Variants in GPM6A observed in about 807,000 individuals in gnomAD.
GPM6A encodes the protein neuronal membrane glycoprotein M6-a.
A neutral mutation model predicts 32.1 loss-of-function variants in GPM6A; 7 were observed. The ratio of observed to expected loss-of-function variants is 0.22; its 90% CI spans 0.12 to 0.41. The LOEUF (loss-of-function observed/expected upper bound fraction) is 0.41. Among genes scored for constraint, GPM6A ranks in the 10% least tolerant of loss-of-function variants. GPM6A has a pLI of 1.00. For synonymous variants in GPM6A, 130 were observed against 123.4 expected (o/e 1.05, Z -0.35); for missense variants, 235 against 347.2 (o/e 0.68, Z 2.57).
intron 1 of GPM6A, among the ~76,000 whole-genome samples, chr4:175,913,638 C>T (rs1408087552): frequency 6.6e-6 from 1 of 152,208 alleles, no homozygotes; most frequent in Non-Finnish European, 1.5e-5. Context: ...CTAGAACAGA[C>T]CAGGCCTGTT....
chr4:175,977,101 A>G (rs1464743375), intron 1 of GPM6A, among the ~76,000 whole-genome samples: 1 of 152,234 alleles, frequency 6.6e-6, no homozygotes, highest in Non-Finnish European at 1.5e-5. Flanking sequence ...TAATAGGCAA[A>G]TCAAAGAAAT....
At chr4:175,645,714 C>T (rs1384313372) in intron 4 of GPM6A, among the ~76,000 whole-genome samples, 1 of 152,038 alleles carries the variant, frequency 6.6e-6, no homozygotes, top group Non-Finnish European at 1.5e-5. Flanking sequence ...GAGCAAGACT[C>T]CGTCTCAAAA....
At chr4:175,683,933 G>A (rs1049012225) in intron 2 of GPM6A, among the ~76,000 whole-genome samples, 2 of 151,760 alleles carry the variant, frequency 1.3e-5, no homozygotes, top group African/African-American at 2.4e-5. Flanking sequence ...CTGGGTTCAA[G>A]CAATTCTCCT....
At chr4:175,805,711 T>C (rs1315858262) in intron 1 of GPM6A, among the ~76,000 whole-genome samples, 1 of 152,192 alleles carries the variant, frequency 6.6e-6, no homozygotes, top group East Asian at 1.9e-4. Context: ...CATGTTGACA[T>C]CTCTTAATAC....
At chr4:175,944,892 G>A (rs776132634) in intron 1 of GPM6A, among the ~76,000 whole-genome samples, 3 of 151,714 alleles carry the variant, frequency 2.0e-5, no homozygotes, top group South Asian at 2.1e-4. Context: ...AAATACAGAC[G>A]TCTCAGTTTC....
At chr4:175,808,418 CAAAG>C (rs991555763) in intron 1 of GPM6A, among the ~76,000 whole-genome samples, 4 of 152,006 alleles carry the variant, frequency 2.6e-5, no homozygotes, top group African/African-American at 9.7e-5. Flanking sequence ...ATATGAAAAA[CAAAG>C]AAAATAAACC....
intron 1 of GPM6A, chr4:175,807,500 T>C (rs1423022376): frequency 6.6e-6 from 1 of 152,194 alleles, no homozygotes; most frequent in Non-Finnish European, 1.5e-5. Flanking sequence ...ATAGTTATTA[T>C]TAAAATTTGC....
At chr4:175,710,778 A>G (rs976052426) in intron 1 of GPM6A, among the ~76,000 whole-genome samples, 4 of 152,286 alleles carry the variant, frequency 2.6e-5, no homozygotes, top group African/African-American at 9.6e-5. Context: ...AACTTTTGTT[A>G]CTATTATTGT....
Position 175,856,116 on chromosome 4 carries a change from T to A in GPM6A, c.-22-43867A>T, listed in dbSNP as rs117247927. ...GGAAAGATATATTGATAAATTAATG[T>A]TTATGTGGTTTTCCTGGGTAAAAGG... is the stretch of plus-strand genomic sequence containing the variant. On this transcript the variant is annotated intron_variant, in intron 1 of 7. Coordinates refer to the GPM6A transcript ENST00000280187. Among the ~76,000 whole-genome samples the A allele has an allele frequency of 7.2e-5, 11 of 152,342 alleles. No homozygotes were observed. In the East Asian group the frequency reaches 2.1e-3, roughly 29 times the overall value.
At chr4:175,732,667 T>G (rs1324554778) in intron 1 of GPM6A, among the ~76,000 whole-genome samples, 2 of 152,110 alleles carry the variant, frequency 1.3e-5, no homozygotes, top group African/African-American at 4.8e-5. Flanking sequence ...TATAACTAAC[T>G]CAAATACTTA....
At chr4:175,959,280 T>C (rs1740090050) in intron 1 of GPM6A, among the ~76,000 whole-genome samples, 1 of 152,194 alleles carries the variant, frequency 6.6e-6, no homozygotes, top group Admixed American at 6.5e-5. Flanking sequence ...ATCTTCATTC[T>C]GCACAGCTTA....
At chr4:175,890,778 AC>A (rs1241028258) in intron 1 of GPM6A, among the ~76,000 whole-genome samples, 1 of 151,882 alleles carries the variant, frequency 6.6e-6, no homozygotes, top group African/African-American at 2.4e-5. Flanking sequence ...CTGGTCTCAA[AC>A]CCCTGACCTC....
chr4:175,654,214 A>G (rs1248965161), intron 3 of GPM6A: 1 of 152,230 alleles, frequency 6.6e-6, no homozygotes, highest in African/African-American at 2.4e-5. Flanking sequence ...TCACTGGCAT[A>G]CCACTTACTG....
chr4:175,849,422 G>C (rs1736184960), intron 1 of GPM6A, among the ~76,000 whole-genome samples: 1 of 152,180 alleles, frequency 6.6e-6, no homozygotes. Flanking sequence ...CCAACGTAGA[G>C]GTTGACCCAG....
rs544889132 is a variant in GPM6A, at chr4:175,671,477, G to GA, written c.387+2202dup. Among the ~76,000 whole-genome samples the GA allele has an allele frequency of 9.3e-3, 226 of 24,406 alleles. 61 individuals carry two copies. Among genetic ancestry groups the GA allele is most frequent in the Middle Eastern group, 0.029 (1 of 34 alleles). The allele number at this position is 24,406 out of a possible 152,430, so 16.0% of individuals were successfully genotyped here. A position where few individuals can be genotyped will look rare whatever the true frequency, so the allele number is the denominator to read the frequency against. On this transcript the variant is annotated intron_variant, in intron 3 of 6. Coordinates refer to ENST00000393658, the MANE Select transcript of GPM6A (RefSeq NM_201591.3). Reference sequence around the variant, plus strand: ...CGTAAGATACAATCTGCCTACAAACGAAAAAAAAAAAAAAAAAAAAAAAAA... The same window carrying GA: ...CGTAAGATACAATCTGCCTACAAACGAAAAAAAAAAAAAAAAAAAAAAAAAA...
At chr4:175,841,189 A>G (rs551256601) in intron 1 of GPM6A, among the ~76,000 whole-genome samples, 26 of 152,328 alleles carry the variant, frequency 1.7e-4, no homozygotes, top group Non-Finnish European at 2.8e-4. Context: ...AGTAAGTTAC[A>G]TGATTCTGTT....
chr4:175,732,512 T>C (rs1731477564), intron 1 of GPM6A, among the ~76,000 whole-genome samples: 4 of 152,172 alleles, frequency 2.6e-5, no homozygotes, highest in African/African-American at 9.6e-5. Flanking sequence ...ATCTATATAA[T>C]CTGAAAAAGC....
At chr4:175,812,285 G>A, upstream of GPM6A, 1 of 933,126 alleles carries the variant, frequency 1.1e-6, no homozygotes, top group Non-Finnish European at 1.3e-6. Flanking sequence ...TCAATTAGAT[G>A]TTGGAAAAAC....
At chr4:175,885,127 C>T (rs1423468690) in intron 1 of GPM6A, among the ~76,000 whole-genome samples, 1 of 152,100 alleles carries the variant, frequency 6.6e-6, no homozygotes, top group Non-Finnish European at 1.5e-5. Flanking sequence ...CTGAACACAA[C>T]ACAGCCATTA....
Sources: gnomAD v4.1 joint callset for allele counts (sites outside exome capture counted in the v4.1 genomes callset) on GRCh38, gnomAD v4.1.1 for gene constraint, MANE v1.5 for transcripts, NCBI Gene and HGNC (gene_info 2026-07-23, HGNC 2026-07-21) for gene names.